The following CACNA2D3 variants were observed in gnomAD, a reference collection of about 807,000 sequenced individuals.
CACNA2D3 encodes voltage-dependent calcium channel subunit alpha-2/delta-3.
In CACNA2D3, 60 loss-of-function variants were observed where a neutral mutation model predicts 160.6. That is an observed-to-expected ratio of 0.37 (90% confidence interval 0.30 to 0.46). The LOEUF (loss-of-function observed/expected upper bound fraction) is 0.46, where lower values mean the gene tolerates loss of function less well. Among genes scored for constraint, CACNA2D3 ranks in the 20% least tolerant of loss-of-function variants. CACNA2D3 has a pLI of 1.00. For missense variants in CACNA2D3, 1,205 were observed against 1,365.0 expected, an observed-to-expected ratio of 0.88 and a Z score of 1.85; for synonymous variants, 558 against 492.9, an observed-to-expected ratio of 1.13 and a Z score of -1.75.
chr3:54,413,491 T>G (rs1699705648), intron 4 of CACNA2D3, among the ~76,000 whole-genome samples: 2 of 150,132 alleles, frequency 1.3e-5, no homozygotes, highest in South Asian at 4.2e-4. Flanking sequence ...CTAACTATAT[T>G]TGGAAATTTT....
intron 35 of CACNA2D3, among the ~76,000 whole-genome samples, chr3:55,051,648 G>T (rs373793608): frequency 6.6e-6 from 1 of 152,024 alleles, no homozygotes; most frequent in Non-Finnish European, 1.5e-5. Flanking sequence ...TCGAGCTTCC[G>T]GGCTGCTTTG....
intron 5 of CACNA2D3, among the ~76,000 whole-genome samples, chr3:54,511,994 GA>G (rs1701466912): frequency 6.6e-6 from 1 of 152,178 alleles, no homozygotes; most frequent in Non-Finnish European, 1.5e-5. Flanking sequence ...TCCAGTGGGG[GA>G]AAGAGATTAA....
intron 25 of CACNA2D3, chr3:54,894,574 G>A: frequency 3.9e-6 from 2 of 512,670 alleles, no homozygotes; most frequent in Non-Finnish European, 7.8e-6. Flanking sequence ...GTGCTGCATA[G>A]ACAGGGCACC....
chr3:54,540,869 T>A (rs1334095657), intron 5 of CACNA2D3, among the ~76,000 whole-genome samples: 1 of 152,162 alleles, frequency 6.6e-6, no homozygotes, highest in African/African-American at 2.4e-5. Flanking sequence ...ATTCATTCCA[T>A]AGCAGTAACC....
At chr3:54,691,935 A>G (rs1223416136) in intron 11 of CACNA2D3, among the ~76,000 whole-genome samples, 1 of 152,210 alleles carries the variant, frequency 6.6e-6, no homozygotes, top group Non-Finnish European at 1.5e-5. Flanking sequence ...GTCATTTATT[A>G]CAAACAGCTG....
intron 27 of CACNA2D3, among the ~76,000 whole-genome samples, chr3:54,967,966 A>G (rs577554470): frequency 6.6e-6 from 1 of 152,334 alleles, no homozygotes; most frequent in Admixed American, 6.5e-5. Flanking sequence ...ACTAAGACAC[A>G]TTATAGTAAA....
At chr3:54,626,113 C>A in intron 9 of CACNA2D3, 1 of 611,534 alleles carries the variant, frequency 1.6e-6, no homozygotes, top group Non-Finnish European at 2.9e-6. Flanking sequence ...GTGGGGATGC[C>A]TTTGGGGAGA....
At chr3:54,411,806 GAAACAAA>G (rs1208469236) in intron 4 of CACNA2D3, among the ~76,000 whole-genome samples, 2 of 152,066 alleles carry the variant, frequency 1.3e-5, no homozygotes, top group Non-Finnish European at 1.5e-5. Context: ...AGATCCAAGT[GAAACAAA>G]AAACAAAAAA....
At chr3:54,821,652 C>CTTTTTCTTTCTTTA (rs199529560) in intron 14 of CACNA2D3, among the ~76,000 whole-genome samples, 1 of 65,830 alleles carries the variant, frequency 1.5e-5, no homozygotes, top group Non-Finnish European at 3.5e-5. Context: ...TTCTTTCTTT[C>CTTTTTCTTTCTTTA]TTTCTTTCTT....
At chr3:54,805,137 A>G (rs1342442489) in intron 13 of CACNA2D3, among the ~76,000 whole-genome samples, 1 of 152,252 alleles carries the variant, frequency 6.6e-6, no homozygotes, top group Non-Finnish European at 1.5e-5. Flanking sequence ...TCACAATTAA[A>G]AGAACTGGAA....
At chr3:54,802,796 G>A (rs1703023642) in intron 13 of CACNA2D3, among the ~76,000 whole-genome samples, 1 of 152,086 alleles carries the variant, frequency 6.6e-6, no homozygotes, top group Non-Finnish European at 1.5e-5. Context: ...CAGCCTAACT[G>A]GGAGGCACCC....
rs915622820 is a variant in CACNA2D3 at position 54,887,885 on chromosome 3, A to G, written c.2057-74A>G. On this transcript the variant is annotated intron_variant, in intron 23 of 37. Transcript: ENST00000474759. The stretch of plus-strand genomic sequence containing the variant: ...GAAAGTAGCCTGCAGATGCTGCACA[A>G]TGAGCCCATGAGTGCCTCTCATGCC... The G allele has an allele frequency of 3.8e-5, 41 of 1,089,140 alleles. No individual in the cohort carries two copies. In the African/African-American group the frequency reaches 5.1e-4, roughly 14 times the overall value. 67.5% of individuals were successfully genotyped at this position (1,089,140 alleles called of 1,614,324 possible). A position where few individuals can be genotyped will look rare whatever the true frequency, so the allele number is the denominator to read the frequency against.
chr3:54,169,470 C>T (rs1227492264), intron 2 of CACNA2D3, among the ~76,000 whole-genome samples: 1 of 152,174 alleles, frequency 6.6e-6, no homozygotes, highest in Admixed American at 6.5e-5. Context: ...GATTCTGTTT[C>T]ATGCATTTAT....
chr3:55,062,400 C>T (rs1441400732), intron 35 of CACNA2D3, among the ~76,000 whole-genome samples: 1 of 149,244 alleles, frequency 6.7e-6, no homozygotes, highest in Admixed American at 6.9e-5. Flanking sequence ...AGGCATGAGC[C>T]ACCACACCTG....
intron 27 of CACNA2D3, among the ~76,000 whole-genome samples, chr3:54,944,935 T>G (rs1175809384): frequency 6.6e-6 from 1 of 152,138 alleles, no homozygotes; most frequent in East Asian, 1.9e-4. Flanking sequence ...TGTAGCCTAG[T>G]TCACTTTTAA....
At chr3:54,712,149 G>A (rs991366839) in intron 11 of CACNA2D3, among the ~76,000 whole-genome samples, 2 of 152,172 alleles carry the variant, frequency 1.3e-5, no homozygotes, top group Admixed American at 1.3e-4. Flanking sequence ...TGTAAAAATG[G>A]AGATTATCAT....
chr3:54,529,581 G>T (rs1295979181), intron 5 of CACNA2D3, among the ~76,000 whole-genome samples: 1 of 152,188 alleles, frequency 6.6e-6, no homozygotes, highest in African/African-American at 2.4e-5. Flanking sequence ...GTTCCTCCCA[G>T]TTGCTGTGAG....
At position 54,171,136 on chromosome 3, in the gene CACNA2D3, C is replaced by CTTTTTTTTTTTTTTTTTT. The variant is rs57761171; in HGVS notation, c.204+47547_204+47564dup. 9.8e-3 allele frequency among the ~76,000 whole-genome samples: 614 copies of CTTTTTTTTTTTTTTTTTT among 62,542 alleles called. 173 individuals are homozygous for CTTTTTTTTTTTTTTTTTT. The highest frequency in any genetic ancestry group is 0.025 in the East Asian group (38 of 1,510). The allele number at this position is 62,542 out of a possible 152,430, so 41.0% of individuals were successfully genotyped here. A position where few individuals can be genotyped will look rare whatever the true frequency, so the allele number is the denominator to read the frequency against. On this transcript the variant is annotated intron_variant, in intron 2 of 37. Coordinates refer to ENST00000474759, the MANE Select transcript of CACNA2D3 (RefSeq NM_018398.3). ...TCTGTTTACATTTTAAAGATGATGA[C>CTTTTTTTTTTTTTTTTTT]TTTTTTTTTTTTTTTTTTTTTTAGG...
At chr3:54,918,525 G>T in intron 27 of CACNA2D3, 1 of 1,613,940 alleles carries the variant, frequency 6.2e-7, no homozygotes. Context: ...TTTGAGCCAA[G>T]GGTCCCCCAT....
Sources: gnomAD v4.1 joint callset for allele counts (sites outside exome capture counted in the v4.1 genomes callset) on GRCh38, gnomAD v4.1.1 for gene constraint, MANE v1.5 for transcripts, NCBI Gene and HGNC (gene_info 2026-07-23, HGNC 2026-07-21) for gene names.